CTDP1: variants seen among roughly 807,000 people sequenced by gnomAD.
CTDP1 encodes RNA polymerase II subunit A C-terminal domain phosphatase.
Under a neutral mutation model 91.8 loss-of-function variants are expected in CTDP1, and 47 were observed. The ratio of observed to expected loss-of-function variants is 0.51; its 90% CI spans 0.41 to 0.65. The LOEUF (loss-of-function observed/expected upper bound fraction) is 0.65, where lower values mean the gene tolerates loss of function less well. Among genes scored for constraint, CTDP1 ranks in the 30% least tolerant of loss-of-function variants. The probability of loss-of-function intolerance (pLI) is 0.00; values close to 1 mark genes in which losing one functional copy is unlikely to be tolerated. For missense variants in CTDP1, 1,272 were observed against 1,373.7 expected, an observed-to-expected ratio of 0.93 and a Z score of 1.17; for synonymous variants, 656 against 598.5, an observed-to-expected ratio of 1.10 and a Z score of -1.40.
At position 79,696,157 on chromosome 18, in the gene CTDP1, G is replaced by A. The variant is rs143211267; in HGVS notation, c.492+87G>A. The A allele has an allele frequency of 4.6e-4, 540 of 1,171,772 alleles. 5 individuals carry two copies. The East Asian group carries it at 5.5e-3, about 12-fold the overall frequency. 72.6% of individuals were successfully genotyped at this position (1,171,772 alleles called of 1,614,324 possible). A position where few individuals can be genotyped will look rare whatever the true frequency, so the allele number is the denominator to read the frequency against. On this transcript the variant is annotated intron_variant, in intron 3 of 12. Transcript: ENST00000613122. ...AGGAGGAGGGTGGCTGCAGAAGCAC[G>A]GACGTGTGGTTGTCATCGTCGTTAC...
intron 12 of CTDP1, among the ~76,000 whole-genome samples, chr18:79,747,855 A>G (rs1265415520): frequency 6.6e-6 from 1 of 151,976 alleles, no homozygotes; most frequent in Non-Finnish European, 1.5e-5. Flanking sequence ...TCCCCTTTGG[A>G]TTAGATGCTG....
intron 1 of CTDP1, among the ~76,000 whole-genome samples, chr18:79,686,866 G>A (rs1015990953): frequency 6.6e-6 from 1 of 150,678 alleles, no homozygotes; most frequent in African/African-American, 2.4e-5. Flanking sequence ...GTTCACTGGT[G>A]GGCCTGCACC....
At chr18:79,709,511 G>A (rs138111579) in intron 5 of CTDP1, among the ~76,000 whole-genome samples, 24 of 152,332 alleles carry the variant, frequency 1.6e-4, no homozygotes, top group African/African-American at 5.5e-4. Flanking sequence ...TCTTTAAGGA[G>A]TCGAAGCTGA....
At chr18:79,717,437 G>C in intron 8 of CTDP1, 98 bp from the exon 9 acceptor site, 1 of 1,548,324 alleles carries the variant, frequency 6.5e-7, no homozygotes, top group Non-Finnish European at 8.8e-7. Context: ...GCCCTGGTGG[G>C]GTACAGCCAG....
At chr18:79,679,580 C>T (rs995430358), upstream of CTDP1, 1 of 469,408 alleles carries the variant, frequency 2.1e-6, no homozygotes, top group Non-Finnish European at 4.2e-6. Flanking sequence ...GCGCCAAGAC[C>T]GTCACTGGGA....
At chr18:79,738,248 G>A (rs2086706730) in intron 12 of CTDP1, among the ~76,000 whole-genome samples, 1 of 152,206 alleles carries the variant, frequency 6.6e-6, no homozygotes, top group South Asian at 2.1e-4. Flanking sequence ...CTGCTCCGAG[G>A]CCGTCCGAGG....
At chr18:79,700,187 G>A (rs559446280) in intron 4 of CTDP1, among the ~76,000 whole-genome samples, 1 of 152,232 alleles carries the variant, frequency 6.6e-6, no homozygotes, top group East Asian at 1.9e-4. Flanking sequence ...ACCCTACAGT[G>A]ACCTCTGAGT....
At chr18:79,748,667 A>T (rs2086929197) in intron 12 of CTDP1, among the ~76,000 whole-genome samples, 1 of 152,212 alleles carries the variant, frequency 6.6e-6, no homozygotes, top group Non-Finnish European at 1.5e-5. Context: ...CAGCGTCCCC[A>T]GCTGTGGATC....
upstream of CTDP1, chr18:79,679,381 C>T (rs1442493382): frequency 2.2e-6 from 1 of 454,408 alleles, no homozygotes; most frequent in Non-Finnish European, 4.4e-6. Flanking sequence ...AGTCCCGCGA[C>T]GTTGCGACTC....
intron 8 of CTDP1, 143 bp from the exon 9 acceptor site, chr18:79,717,392 G>C (rs1183205895): frequency 6.7e-6 from 8 of 1,194,730 alleles, no homozygotes; most frequent in Non-Finnish European, 9.5e-6. Context: ...GTCAGGTGAA[G>C]GCCCTGGTGG....
Position 79,704,823 on chromosome 18 carries a change from T to G in CTDP1, c.678T>G (p.Arg226=). ...RGEPMLHTRL[R]PHCKDFLEKI... is the part of the protein sequence containing the mutation. ...AGCCCATGCTGCACACGCGCCTGCG[T>G]CCACACTGCAAGGACTTCCTGGAGA... is the stretch of plus-strand genomic sequence containing the variant. Residue 226 remains arginine, a synonymous_variant, in exon 5 of 13, where the codon CGT becomes CGG. Transcript: ENST00000613122. 1 of 1,614,028 alleles carries G rather than the reference T, an allele frequency of 6.2e-7. No homozygotes were observed. The highest frequency in any genetic ancestry group is 8.5e-7 in the Non-Finnish European group (1 of 1,180,034).
intron 5 of CTDP1, among the ~76,000 whole-genome samples, chr18:79,709,321 T>C (rs1267241521): frequency 6.6e-6 from 1 of 152,218 alleles, no homozygotes; most frequent in Non-Finnish European, 1.5e-5. Context: ...TTACTGTAAA[T>C]TGAAGACTTT....
intron 12 of CTDP1, among the ~76,000 whole-genome samples, chr18:79,741,629 A>G (rs72976173): frequency 2.0e-5 from 3 of 152,340 alleles, no homozygotes; most frequent in Non-Finnish European, 4.4e-5. Context: ...TTAAAGGCTT[A>G]GTTTCCTGAC....
chr18:79,726,092 G>A (rs1030664107), intron 10 of CTDP1, among the ~76,000 whole-genome samples: 2 of 152,042 alleles, frequency 1.3e-5, no homozygotes, highest in African/African-American at 4.8e-5. Flanking sequence ...TGCTTTTCAG[G>A]GCCATCTCTG....
Position 79,696,079 on chromosome 18 carries a change from G to T in CTDP1, c.492+9G>T. On this transcript the variant is annotated intron_variant, in intron 3 of 12. Coordinates refer to ENST00000613122, the MANE Select transcript of CTDP1 (RefSeq NM_004715.5). Reference sequence around the variant, plus strand: ...TGATGGTGAGCTCCGAGGTGAGCCGGGCATCAGTGGCGGCGTGTTGGGGAA... The same window carrying T: ...TGATGGTGAGCTCCGAGGTGAGCCGTGCATCAGTGGCGGCGTGTTGGGGAA... The T allele has an allele frequency of 6.2e-7, 1 of 1,609,248 alleles. No homozygotes were observed.
At chr18:79,734,821 A>G (rs117416107) in intron 11 of CTDP1, among the ~76,000 whole-genome samples, 1 of 152,340 alleles carries the variant, frequency 6.6e-6, no homozygotes, top group East Asian at 1.9e-4. Context: ...GTGAAGTGTG[A>G]ATATTAGTAA....
chr18:79,684,219 T>C (rs866055561), intron 1 of CTDP1, among the ~76,000 whole-genome samples: 23 of 152,320 alleles, frequency 1.5e-4, no homozygotes, highest in Middle Eastern at 3.4e-3. Context: ...TGCTTGTACA[T>C]GTGCAGCCAG....
chr18:79,734,354 C>T (rs532431700), intron 11 of CTDP1, among the ~76,000 whole-genome samples: 28 of 152,380 alleles, frequency 1.8e-4, no homozygotes, highest in African/African-American at 5.5e-4. Context: ...AGGTAGGTGT[C>T]GTTCCCACAT....
intron 8 of CTDP1, among the ~76,000 whole-genome samples, chr18:79,716,371 G>A: frequency 6.6e-6 from 1 of 152,206 alleles, no homozygotes; most frequent in South Asian, 2.1e-4. Context: ...ATGGGGCGTT[G>A]GACACGCATG....
Sources: gnomAD v4.1 joint callset for allele counts (sites outside exome capture counted in the v4.1 genomes callset) on GRCh38, gnomAD v4.1.1 for gene constraint, MANE v1.5 for transcripts, NCBI Gene and HGNC (gene_info 2026-07-23, HGNC 2026-07-21) for gene names.